LRRC7: variants seen among roughly 807,000 people sequenced by gnomAD.
LRRC7 encodes the protein leucine rich repeat containing 7.
Under a neutral mutation model 175.7 loss-of-function variants are expected in LRRC7, and 23 were observed. The observed-to-expected ratio is 0.13, with a 90% CI of 0.09 to 0.19. The LOEUF (loss-of-function observed/expected upper bound fraction) is 0.19. Ranked by LOEUF, LRRC7 falls within the 10% of genes least tolerant of loss-of-function variation. The pLI, the probability that LRRC7 is intolerant of heterozygous loss-of-function variation, is 1.00. For synonymous variants in LRRC7, 685 were observed against 680.9 expected, an observed-to-expected ratio of 1.01 and a Z score of -0.09; for missense variants, 1,354 against 1,904.7, an observed-to-expected ratio of 0.71 and a Z score of 5.38.
intron 1 of LRRC7, among the ~76,000 whole-genome samples, chr1:69,604,053 A>G (rs1647203068): frequency 6.6e-6 from 1 of 152,144 alleles, no homozygotes; most frequent in African/African-American, 2.4e-5. Context: ...TTACCTTATC[A>G]AACTCTTGAA....
chr1:69,773,654 C>A (rs891652425), intron 3 of LRRC7, among the ~76,000 whole-genome samples: 1 of 152,046 alleles, frequency 6.6e-6, no homozygotes, highest in African/African-American at 2.4e-5. Context: ...TATGCCTGGA[C>A]CAGAAGAAAC....
At chr1:69,604,448 GA>G (rs1323375117) in intron 1 of LRRC7, among the ~76,000 whole-genome samples, 1 of 152,156 alleles carries the variant, frequency 6.6e-6, no homozygotes, top group Non-Finnish European at 1.5e-5. Context: ...TGATTGGTGA[GA>G]GGCAGATGAA....
At chr1:69,623,057 C>T (rs1650892185) in intron 1 of LRRC7, among the ~76,000 whole-genome samples, 1 of 152,080 alleles carries the variant, frequency 6.6e-6, no homozygotes, top group African/African-American at 2.4e-5. Flanking sequence ...AGGTTTTCTA[C>T]CACTTGGATC....
At chr1:69,900,783 A>G (rs1646113181) in intron 7 of LRRC7, among the ~76,000 whole-genome samples, 1 of 152,136 alleles carries the variant, frequency 6.6e-6, no homozygotes. Context: ...GGGATATGCA[A>G]CCTGTATTCT....
At chr1:69,578,289 T>A (rs368017631) in intron 1 of LRRC7, among the ~76,000 whole-genome samples, 10 of 149,258 alleles carry the variant, frequency 6.7e-5, no homozygotes, top group East Asian at 3.9e-4. Flanking sequence ...AAGTCAGGAA[T>A]CAACAGGTGC....
chr1:69,638,211 T>C (rs1653691405), intron 1 of LRRC7, among the ~76,000 whole-genome samples: 1 of 151,914 alleles, frequency 6.6e-6, no homozygotes, highest in African/African-American at 2.4e-5. Context: ...CAGCTCTCAG[T>C]AGCGTTTAAC....
At chr1:70,054,259 A>G (rs922845450) in intron 23 of LRRC7, among the ~76,000 whole-genome samples, 1 of 152,228 alleles carries the variant, frequency 6.6e-6, no homozygotes, top group African/African-American at 2.4e-5. Context: ...GAATATTTCA[A>G]AGCAATAAAA....
rs756682853 is a variant in LRRC7, at chr1:69,589,008, T to TGTGTGTGTGC, written c.2+20368_2+20369insTGTGTGTGCG. Among the ~76,000 whole-genome samples, 1,172 of 151,550 alleles carry TGTGTGTGTGC rather than the reference T, an allele frequency of 7.7e-3. 21 individuals carry two copies. Among genetic ancestry groups the TGTGTGTGTGC allele is most frequent in the Middle Eastern group, 0.027 (8 of 294 alleles). ...GTCTGTGTGTGTGTGTGTGTGTGTGTGCGTGCATGTGATGTAATATACATG... is the reference window on the plus strand; with the variant it reads ...GTCTGTGTGTGTGTGTGTGTGTGTGTGTGTGTGTGCGCGTGCATGTGATGTAATATACATG... On this transcript the variant is annotated intron_variant, in intron 1 of 26. Coordinates refer to ENST00000651989, the MANE Select transcript of LRRC7 (RefSeq NM_001370785.2).
chr1:70,046,466 A>T (rs1660337197), intron 22 of LRRC7, among the ~76,000 whole-genome samples: 1 of 152,152 alleles, frequency 6.6e-6, no homozygotes, highest in Non-Finnish European at 1.5e-5. Context: ...GTATTGAAAG[A>T]CTCCACCTCA....
chr1:69,752,223 G>A (rs761046105), intron 2 of LRRC7, among the ~76,000 whole-genome samples: 12 of 152,106 alleles, frequency 7.9e-5, no homozygotes, highest in East Asian at 1.9e-4. Context: ...GACATGGAAC[G>A]AGTCTGGCAG....
chr1:69,687,599 T>A (rs759000612), intron 2 of LRRC7, among the ~76,000 whole-genome samples: 1 of 149,750 alleles, frequency 6.7e-6, no homozygotes, highest in Non-Finnish European at 1.5e-5. Context: ...ATATTTATGA[T>A]GGTGTAATAT....
intron 3 of LRRC7, among the ~76,000 whole-genome samples, chr1:69,772,148 G>A (rs1295534755): frequency 6.6e-6 from 1 of 151,886 alleles, no homozygotes; most frequent in Non-Finnish European, 1.5e-5. Flanking sequence ...AAAAAAGAAA[G>A]AAAAAGAAAA....
At chr1:69,678,111 T>C (rs1163323365) in intron 1 of LRRC7, among the ~76,000 whole-genome samples, 1 of 152,084 alleles carries the variant, frequency 6.6e-6, no homozygotes, top group Admixed American at 6.6e-5. Context: ...TGGGGACATA[T>C]TCCGTCCATG....
intron 25 of LRRC7, among the ~76,000 whole-genome samples, chr1:70,102,915 G>T (rs1187268433): frequency 6.6e-6 from 1 of 152,008 alleles, no homozygotes; most frequent in Non-Finnish European, 1.5e-5. Context: ...CAGTGTGGTA[G>T]ACAGAAAAAA....
chr1:69,960,848 A>G (rs1650997732), intron 8 of LRRC7, among the ~76,000 whole-genome samples: 1 of 152,176 alleles, frequency 6.6e-6, no homozygotes, highest in Non-Finnish European at 1.5e-5. Context: ...AATAAGAGCC[A>G]TATATGGCAA....
chr1:69,627,578 A>G (rs1651802870), intron 1 of LRRC7, among the ~76,000 whole-genome samples: 1 of 152,042 alleles, frequency 6.6e-6, no homozygotes, highest in South Asian at 2.1e-4. Context: ...CTTTAGTTTA[A>G]TTAGATCCCA....
chr1:70,024,617 TCCTA>T (rs958174631), intron 17 of LRRC7, among the ~76,000 whole-genome samples: 7 of 152,052 alleles, frequency 4.6e-5, no homozygotes, highest in Admixed American at 1.3e-4. Context: ...TAATTGATTT[TCCTA>T]CCTATGTGTA....
rs1486802220 is a variant in LRRC7 at position 70,143,886 on chromosome 1, A to C, written c.*21999A>C. ...TTAAAAAGACTACTATATCACAATT[A>C]AAAGTACTTTTTAGTTGAACTACAT... On this transcript the variant is annotated 3_prime_UTR_variant, in exon 27 of 27. Transcript: ENST00000651989. 6.6e-6 allele frequency: 1 copy of C among 152,234 alleles called. No homozygotes were observed. Among genetic ancestry groups the C allele is most frequent in the African/African-American group, 2.4e-5 (1 of 41,460 alleles). 9.4% of individuals were successfully genotyped at this position (152,234 alleles called of 1,614,324 possible). A position where few individuals can be genotyped will look rare whatever the true frequency, so the allele number is the denominator to read the frequency against.
intron 2 of LRRC7, among the ~76,000 whole-genome samples, chr1:69,727,420 C>T (rs1204218143): frequency 6.6e-6 from 1 of 152,194 alleles, no homozygotes; most frequent in Non-Finnish European, 1.5e-5. Context: ...CAATCTGACT[C>T]CTTTACTGAC....
Sources: gnomAD v4.1 joint callset for allele counts (sites outside exome capture counted in the v4.1 genomes callset) on GRCh38, gnomAD v4.1.1 for gene constraint, MANE v1.5 for transcripts, NCBI Gene and HGNC (gene_info 2026-07-23, HGNC 2026-07-21) for gene names.